The following MED1 variants were observed in gnomAD, a reference collection of about 807,000 sequenced individuals.
The protein encoded by MED1 is mediator complex subunit 1.
A neutral mutation model predicts 121.3 loss-of-function variants in MED1; 17 were observed. That is an observed-to-expected ratio of 0.14 (90% CI 0.10 to 0.21). The LOEUF is 0.21. Ranked by LOEUF, MED1 falls within the 10% of genes least tolerant of loss-of-function variation. MED1 has a pLI of 1.00. For synonymous variants in MED1, 661 were observed against 694.4 expected (o/e 0.95, Z 0.76); for missense variants, 1,558 against 1,919.4 (o/e 0.81, Z 3.52).
chr17:39,428,699 T>C (rs1381502437), intron 9 of MED1, among the ~76,000 whole-genome samples: 1 of 151,642 alleles, frequency 6.6e-6, no homozygotes, highest in African/African-American at 2.4e-5. Flanking sequence ...ACACCTGTAA[T>C]CCCAGCACTT....
At chr17:39,431,569 G>A (rs1454572023) in intron 8 of MED1, among the ~76,000 whole-genome samples, 2 of 152,052 alleles carry the variant, frequency 1.3e-5, no homozygotes, top group Non-Finnish European at 2.9e-5. Context: ...GTGAGCCACC[G>A]CGCCCAGCCC....
At chr17:39,438,337 A>ATTTTT (rs1185343270) in intron 6 of MED1, among the ~76,000 whole-genome samples, 3 of 58,930 alleles carry the variant, frequency 5.1e-5, no homozygotes, top group Non-Finnish European at 6.7e-5. Flanking sequence ...TGCCTGGCTA[A>ATTTTT]TTTTTTTTTT....
intron 2 of MED1, among the ~76,000 whole-genome samples, chr17:39,446,727 T>A (rs2048731366): frequency 6.7e-6 from 1 of 150,116 alleles, no homozygotes; most frequent in South Asian, 2.1e-4. Flanking sequence ...TGAGCCGAGA[T>A]CGCACCATTG....
chr17:39,426,521 A>C (rs188193475), intron 10 of MED1, among the ~76,000 whole-genome samples: 25 of 152,290 alleles, frequency 1.6e-4, no homozygotes. Flanking sequence ...AAAGGGACCT[A>C]AGGAGGTATT....
intron 14 of MED1, among the ~76,000 whole-genome samples, chr17:39,416,689 T>A (rs2048412432): frequency 6.6e-6 from 1 of 152,072 alleles, no homozygotes; most frequent in African/African-American, 2.4e-5. Context: ...TTTATTTCCA[T>A]GAGAAGAATC....
At position 39,423,402 on chromosome 17, in the gene MED1, A is replaced by G; in HGVS notation, c.1020T>C (p.Tyr340=). The change falls in exon 13 of 17, where the codon TAT becomes TAC. Residue 340 remains tyrosine, a synonymous_variant. Coordinates refer to ENST00000300651, the MANE Select transcript of MED1 (RefSeq NM_004774.4). The stretch of plus-strand genomic sequence containing the variant: ...ATAGCTCAAACTGAGTGATCAGTTC[A>G]TACAGGGGTGCATAAGTTGGTTGAG... The part of the protein sequence containing the change: ...FETQPTYAPL[Y]ELITQFELSK... 6.2e-7 allele frequency: 1 copy of G among 1,613,940 alleles called. No individual in the cohort carries two copies. The highest frequency in any genetic ancestry group is 8.5e-7 in the Non-Finnish European group (1 of 1,179,866).
Position 39,406,071 on chromosome 17 carries a change from T to C in MED1, c.*1404A>G. ...ACCCTCCAAATACTGAGAACTTCTG[T>C]TGCACTCGAAACAGTCTCCTGGATT... On this transcript the variant is annotated 3_prime_UTR_variant, in exon 17 of 17. Coordinates refer to ENST00000300651, the MANE Select transcript of MED1 (RefSeq NM_004774.4). 1.0e-6 allele frequency: 1 copy of C among 985,530 alleles called. No individual in the cohort carries two copies. The allele number at this position is 985,530 out of a possible 1,614,324, so 61.0% of individuals were successfully genotyped here.
chr17:39,414,626 G>C (rs12945015), intron 16 of MED1, among the ~76,000 whole-genome samples: 2 of 115,920 alleles, frequency 1.7e-5, no homozygotes, highest in African/African-American at 3.2e-5. Flanking sequence ...TGAGCCACCA[G>C]GCCCGGCCTT....
At position 39,444,283 on chromosome 17, in the gene MED1, T is replaced by A. The variant is rs977303740; in HGVS notation, c.133-655A>T. On this transcript the variant is annotated intron_variant, in intron 2 of 16. Coordinates refer to ENST00000300651, the MANE Select transcript of MED1 (RefSeq NM_004774.4). ...CAGCACTTTGGGAGGTCAAGGCGGG[T>A]GGATCACGAGGTCAAGAGACTGAGA... Among the ~76,000 whole-genome samples, 6 of 144,288 alleles carry A rather than the reference T, an allele frequency of 4.2e-5. No homozygotes were observed. The South Asian group carries it at 1.3e-3, about 32-fold the overall frequency. 94.7% of individuals were successfully genotyped at this position (144,288 alleles called of 152,430 possible). A position where few individuals can be genotyped will look rare whatever the true frequency, so the allele number is the denominator to read the frequency against.
rs369343103 is a variant in MED1 at position 39,408,868 on chromosome 17, T to G, written c.3353A>C (p.Lys1118Thr). 3 of 1,614,026 alleles carry G rather than the reference T, an allele frequency of 1.9e-6. No individual in the cohort carries two copies. The African/African-American group carries it at 4.0e-5, about 22-fold the overall frequency. Residue 1118 changes from lysine to threonine, a missense_variant, in exon 17 of 17, where the codon AAA becomes ACA. Coordinates refer to ENST00000300651, the MANE Select transcript of MED1 (RefSeq NM_004774.4). This position sits in a 1 kb window ranked among gnomAD's most constrained non-coding sequence, Gnocchi z 4.7. The stretch of plus-strand genomic sequence containing the variant: ...CTTGGAACTTGATGAACCTTCTGAT[T>G]TACTGCTTTTCATCTTCCCTGAGGT... ...ASTSGKMKSS[K>T]SEGSSSSKLS...
intron 6 of MED1, among the ~76,000 whole-genome samples, chr17:39,434,972 T>C (rs967063774): frequency 4.6e-5 from 7 of 152,076 alleles, no homozygotes; most frequent in African/African-American, 1.7e-4. Context: ...GAGACCATCC[T>C]GGCTAGCATG....
chr17:39,414,261 A>C (rs1242775955), intron 16 of MED1, among the ~76,000 whole-genome samples: 1 of 152,040 alleles, frequency 6.6e-6, no homozygotes, highest in African/African-American at 2.4e-5. Context: ...TTTGAATCCG[A>C]AAGCAGAGAA....
At chr17:39,414,674 T>TA (rs2048390385) in intron 16 of MED1, among the ~76,000 whole-genome samples, 1 of 34,976 alleles carries the variant, frequency 2.9e-5, no homozygotes, top group East Asian at 1.0e-3. Flanking sequence ...TTTTTTTTTT[T>TA]ACAACAAAAA....
intron 14 of MED1, among the ~76,000 whole-genome samples, chr17:39,418,107 A>AAAAAAAAAAAAC (rs1567642516): frequency 6.6e-6 from 1 of 151,510 alleles, no homozygotes; most frequent in Non-Finnish European, 1.5e-5. Flanking sequence ...AAAAAAAAAA[A>AAAAAAAAAAAAC]AAATTCATCA....
intron 14 of MED1, among the ~76,000 whole-genome samples, chr17:39,417,452 C>A (rs1052844940): frequency 2.6e-5 from 4 of 151,884 alleles, no homozygotes; most frequent in Non-Finnish European, 5.9e-5. Flanking sequence ...CACGGTGACA[C>A]CCCGTTTCTA....
At chr17:39,443,339 T>C (rs2048697044) in intron 3 of MED1, among the ~76,000 whole-genome samples, 1 of 152,080 alleles carries the variant, frequency 6.6e-6, no homozygotes, top group South Asian at 2.1e-4. Flanking sequence ...ATTTATCTTT[T>C]AAATCTCTAT....
chr17:39,450,226 A>C (rs972957476), intron 1 of MED1, among the ~76,000 whole-genome samples: 2 of 152,152 alleles, frequency 1.3e-5, no homozygotes, highest in African/African-American at 4.8e-5. Flanking sequence ...CTGGGATTAC[A>C]GGTGTGAGTC....
At chr17:39,412,219 T>C (rs982968608) in intron 16 of MED1, among the ~76,000 whole-genome samples, 8 of 148,350 alleles carry the variant, frequency 5.4e-5, no homozygotes, top group African/African-American at 2.1e-4. Flanking sequence ...TGTCAGCAAA[T>C]TTTTTTTTCT....
intron 1 of MED1, 116 bp from the exon 2 acceptor site, chr17:39,448,020 T>A (rs2048744670): frequency 1.5e-6 from 1 of 674,120 alleles, no homozygotes; most frequent in Admixed American, 3.0e-5. Flanking sequence ...TAAAATATTT[T>A]CCAAAATCAT....
Sources: gnomAD v4.1 joint callset for allele counts (sites outside exome capture counted in the v4.1 genomes callset) on GRCh38, gnomAD v4.1.1 for gene constraint, Gnocchi (gnomAD v3.1) non-coding constraint, MANE v1.5 for transcripts, NCBI Gene and HGNC (gene_info 2026-07-23, HGNC 2026-07-21) for gene names.